Variants in RPS6KC1 observed in about 807,000 individuals in gnomAD.
The protein encoded by RPS6KC1 is inactive ribosomal protein S6 kinase delta-1.
A neutral mutation model predicts 103.8 loss-of-function variants in RPS6KC1; 54 were observed. The ratio of observed to expected loss-of-function variants is 0.52; its 90% CI spans 0.42 to 0.65. RPS6KC1 has a LOEUF of 0.65. Among genes scored for constraint, RPS6KC1 ranks in the 30% least tolerant of loss-of-function variants. The pLI, the probability that RPS6KC1 is intolerant of heterozygous loss-of-function variation, is 0.00. For synonymous variants in RPS6KC1, 439 were observed against 438.7 expected, an observed-to-expected ratio of 1.00 and a Z score of -0.01; for missense variants, 1,151 against 1,253.8, an observed-to-expected ratio of 0.92 and a Z score of 1.24.
At chr1:213,516,750 T>A in the RPS6KC1 span, among the ~76,000 whole-genome samples, 1 of 152,188 alleles carries the variant, frequency 6.6e-6, no homozygotes. Flanking sequence ...ATAAAATGAG[T>A]TAGGGAGGAT....
chr1:213,745,360 G>A, the RPS6KC1 span, among the ~76,000 whole-genome samples: 1 of 150,942 alleles, frequency 6.6e-6, no homozygotes, highest in Admixed American at 6.6e-5. Context: ...TCCTCTGGGG[G>A]CTGTTTGTGG....
the RPS6KC1 span, among the ~76,000 whole-genome samples, chr1:213,765,662 CCT>C: frequency 6.6e-6 from 1 of 151,974 alleles, no homozygotes; most frequent in Non-Finnish European, 1.5e-5. Flanking sequence ...TAAGGCCACT[CCT>C]CCCTCTTTCC....
the RPS6KC1 span, among the ~76,000 whole-genome samples, chr1:213,668,053 T>C: frequency 6.6e-6 from 1 of 152,192 alleles, no homozygotes. Context: ...CTATGAGCAT[T>C]GGAATCTACT....
At chr1:213,267,802 A>T (rs910451011) in intron 14 of RPS6KC1, among the ~76,000 whole-genome samples, 3 of 151,956 alleles carry the variant, frequency 2.0e-5, no homozygotes, top group African/African-American at 7.2e-5. Context: ...CTAGAAAAAA[A>T]ATGACTGAAG....
At chr1:213,167,490 A>AC (rs58718923) in intron 6 of RPS6KC1, among the ~76,000 whole-genome samples, 55 of 33,948 alleles carry the variant, frequency 1.6e-3, no homozygotes, top group Non-Finnish European at 3.3e-3. Context: ...ACACACACAC[A>AC]ACAGCTGTTG....
intron 8 of RPS6KC1, among the ~76,000 whole-genome samples, chr1:213,228,811 T>C (rs990741511): frequency 3.9e-5 from 6 of 152,168 alleles, no homozygotes; most frequent in African/African-American, 1.2e-4. Context: ...GGGTAAAGTA[T>C]AGCACATAGT....
chr1:213,309,397 C>T, the RPS6KC1 span, among the ~76,000 whole-genome samples: 2 of 152,120 alleles, frequency 1.3e-5, no homozygotes, highest in African/African-American at 4.8e-5. Flanking sequence ...AATATTTGAG[C>T]CCTAAGAACA....
the RPS6KC1 span, among the ~76,000 whole-genome samples, chr1:213,683,501 C>A: frequency 2.4e-4 from 37 of 152,300 alleles, no homozygotes; most frequent in East Asian, 6.4e-3. Flanking sequence ...AAGTACATTC[C>A]TCCCCCCAGC....
chr1:213,661,626 A>C, the RPS6KC1 span, among the ~76,000 whole-genome samples: 1 of 152,200 alleles, frequency 6.6e-6, no homozygotes, highest in East Asian at 1.9e-4. Context: ...ACTCAAGTAC[A>C]TGAACTGAGT....
chr1:213,449,162 C>T, the RPS6KC1 span, among the ~76,000 whole-genome samples: 34 of 152,138 alleles, frequency 2.2e-4, no homozygotes, highest in Admixed American at 5.9e-4. Context: ...TCTGCTGTGC[C>T]GTGGTGGAGT....
the RPS6KC1 span, among the ~76,000 whole-genome samples, chr1:213,577,232 T>C: frequency 1.3e-5 from 2 of 152,338 alleles, no homozygotes; most frequent in African/African-American, 4.8e-5. Context: ...GCACATGCTC[T>C]CTTGCCCACT....
the RPS6KC1 span, among the ~76,000 whole-genome samples, chr1:213,341,354 A>T: frequency 6.6e-6 from 1 of 152,332 alleles, no homozygotes; most frequent in South Asian, 2.1e-4. Flanking sequence ...TTGTAATAGG[A>T]AGCAAAGTCT....
chr1:213,837,233 T>C, the RPS6KC1 span: 2 of 152,132 alleles, frequency 1.3e-5, no homozygotes, highest in African/African-American at 4.8e-5. Flanking sequence ...CCTCATTGCA[T>C]GGAATACAGT....
chr1:213,133,518 A>C (rs1380978272), intron 6 of RPS6KC1, among the ~76,000 whole-genome samples: 1 of 152,162 alleles, frequency 6.6e-6, no homozygotes, highest in Non-Finnish European at 1.5e-5. Flanking sequence ...ATTTAATATA[A>C]TGATTCTAAA....
the RPS6KC1 span, among the ~76,000 whole-genome samples, chr1:213,586,338 A>G: frequency 1.3e-5 from 2 of 152,232 alleles, no homozygotes; most frequent in Admixed American, 1.3e-4. Flanking sequence ...CCACACCGCA[A>G]CGCTGGGAAT....
chr1:213,393,423 T>C, the RPS6KC1 span, among the ~76,000 whole-genome samples: 18 of 152,206 alleles, frequency 1.2e-4, no homozygotes, highest in African/African-American at 4.3e-4. Flanking sequence ...ACTCCGAAGT[T>C]CAAATTCCTC....
chr1:213,140,889 T>G (rs1398816331), intron 6 of RPS6KC1, among the ~76,000 whole-genome samples: 1 of 142,340 alleles, frequency 7.0e-6, no homozygotes, highest in African/African-American at 2.6e-5. Context: ...GATTGGTACC[T>G]CCTCATTTTT....
At chr1:213,409,272 T>C in the RPS6KC1 span, among the ~76,000 whole-genome samples, 195 of 152,058 alleles carry the variant, frequency 1.3e-3, 6 homozygotes, top group East Asian at 0.036. Flanking sequence ...AAAACCGCAA[T>C]TACTTTTGCA....
intron 3 of RPS6KC1, among the ~76,000 whole-genome samples, chr1:213,078,300 G>T (rs947506480): frequency 7.2e-6 from 1 of 138,460 alleles, no homozygotes; most frequent in Admixed American, 7.5e-5. Flanking sequence ...TAAAGTTTCT[G>T]TGTCAAAATA....
Sources: gnomAD v4.1 joint callset for allele counts (sites outside exome capture counted in the v4.1 genomes callset) on GRCh38, gnomAD v4.1.1 for gene constraint, MANE v1.5 for transcripts, NCBI Gene and HGNC (gene_info 2026-07-23, HGNC 2026-07-21) for gene names.